Variants in GPC6 observed in about 807,000 individuals in gnomAD.
GPC6 encodes the protein glypican 6, also known as glypican-6.
A neutral mutation model predicts 55.2 loss-of-function variants in GPC6; 14 were observed. That is an observed-to-expected ratio of 0.25 (90% CI 0.17 to 0.40). The LOEUF (loss-of-function observed/expected upper bound fraction) is 0.40, where lower values mean the gene tolerates loss of function less well. Among genes scored for constraint, GPC6 ranks in the 10% least tolerant of loss-of-function variants. The pLI is 1.00. For missense variants in GPC6, 641 were observed against 708.5 expected, an observed-to-expected ratio of 0.90 and a Z score of 1.08; for synonymous variants, 278 against 259.6, an observed-to-expected ratio of 1.07 and a Z score of -0.68.
intron 1 of GPC6, among the ~76,000 whole-genome samples, chr13:93,533,326 A>G (rs1252320489): frequency 6.6e-6 from 1 of 152,198 alleles, no homozygotes; most frequent in Non-Finnish European, 1.5e-5. Context: ...CTCTAGCTAA[A>G]TTCTAAAGTA....
At chr13:94,007,797 A>G (rs1211825267) in intron 3 of GPC6, among the ~76,000 whole-genome samples, 2 of 152,118 alleles carry the variant, frequency 1.3e-5, no homozygotes, top group Non-Finnish European at 2.9e-5. Context: ...AATGTTGCCA[A>G]TAACTTATGT....
intron 1 of GPC6, among the ~76,000 whole-genome samples, chr13:93,240,058 C>T (rs1876376611): frequency 6.6e-6 from 1 of 151,948 alleles, no homozygotes. Flanking sequence ...ATTGTATGGT[C>T]TATCTTGGAA....
intron 1 of GPC6, among the ~76,000 whole-genome samples, chr13:93,304,218 G>C (rs1566288974): frequency 6.6e-6 from 1 of 152,122 alleles, no homozygotes; most frequent in Non-Finnish European, 1.5e-5. Context: ...TAGTGCAAGG[G>C]GAGGTGTTTG....
chr13:93,447,879 C>T (rs1878066733), intron 1 of GPC6, among the ~76,000 whole-genome samples: 1 of 152,116 alleles, frequency 6.6e-6, no homozygotes. Flanking sequence ...AGTCTGATAG[C>T]CTGAGCATTA....
chr13:93,635,066 A>G (rs894462752), intron 2 of GPC6, among the ~76,000 whole-genome samples: 1 of 152,022 alleles, frequency 6.6e-6, no homozygotes, highest in Non-Finnish European at 1.5e-5. Flanking sequence ...ACAAACACCT[A>G]TCTTTGTATA....
intron 2 of GPC6, among the ~76,000 whole-genome samples, chr13:93,598,704 T>C (rs1489043088): frequency 1.3e-5 from 2 of 152,178 alleles, no homozygotes. Flanking sequence ...AGAGCTAAAC[T>C]AAGTCTCATG....
At chr13:93,635,534 C>T (rs1879655108) in intron 2 of GPC6, among the ~76,000 whole-genome samples, 1 of 152,054 alleles carries the variant, frequency 6.6e-6, no homozygotes, top group Non-Finnish European at 1.5e-5. Flanking sequence ...TGGATCCATA[C>T]CCAGAACAAA....
At chr13:93,334,577 C>A (rs1181865258) in intron 1 of GPC6, among the ~76,000 whole-genome samples, 1 of 152,112 alleles carries the variant, frequency 6.6e-6, no homozygotes, top group African/African-American at 2.4e-5. Context: ...ATTCCCCTGC[C>A]TCACTCAGCC....
intron 3 of GPC6, among the ~76,000 whole-genome samples, chr13:94,026,261 A>G (rs2046737544): frequency 6.6e-6 from 1 of 152,198 alleles, no homozygotes; most frequent in South Asian, 2.1e-4. Flanking sequence ...AAAGGCTTGC[A>G]TTAAGAATCT....
intron 4 of GPC6, among the ~76,000 whole-genome samples, chr13:94,143,745 C>T (rs1186261213): frequency 6.6e-6 from 1 of 152,042 alleles, no homozygotes; most frequent in East Asian, 1.9e-4. Context: ...AAAAATTAGC[C>T]AGGCGTGCAC....
intron 1 of GPC6, among the ~76,000 whole-genome samples, chr13:93,233,155 A>G (rs994311123): frequency 3.9e-5 from 6 of 152,104 alleles, no homozygotes; most frequent in Admixed American, 2.0e-4. Context: ...TCAATTTTCA[A>G]TGATATATAT....
intron 4 of GPC6, among the ~76,000 whole-genome samples, chr13:94,126,930 G>A (rs1886839353): frequency 6.6e-6 from 1 of 151,484 alleles, no homozygotes; most frequent in Non-Finnish European, 1.5e-5. Flanking sequence ...AAATGTTTTT[G>A]GTATATAGAT....
At chr13:94,034,187 G>GAA (rs1883243756) in intron 4 of GPC6, among the ~76,000 whole-genome samples, 1 of 133,266 alleles carries the variant, frequency 7.5e-6, no homozygotes, top group Non-Finnish European at 1.6e-5. Flanking sequence ...TACTTGCTGA[G>GAA]AGAAAGAAAG....
chr13:94,032,632 G>C (rs1307116257), intron 4 of GPC6, among the ~76,000 whole-genome samples: 1 of 152,150 alleles, frequency 6.6e-6, no homozygotes, highest in Non-Finnish European at 1.5e-5. Context: ...TGAGATTTGT[G>C]TTATTTTTCA....
At chr13:93,874,901 A>G (rs1889243872) in intron 3 of GPC6, among the ~76,000 whole-genome samples, 1 of 151,918 alleles carries the variant, frequency 6.6e-6, no homozygotes, top group Non-Finnish European at 1.5e-5. Flanking sequence ...ATCATCACAT[A>G]TAATTTTGTG....
At chr13:93,798,800 T>A (rs982362388) in intron 2 of GPC6, among the ~76,000 whole-genome samples, 1 of 151,150 alleles carries the variant, frequency 6.6e-6, no homozygotes, top group Non-Finnish European at 1.5e-5. Context: ...GTGCCTGTAA[T>A]CCCAGGTACT....
At chr13:94,245,740 G>C (rs1891177906) in intron 4 of GPC6, among the ~76,000 whole-genome samples, 1 of 151,862 alleles carries the variant, frequency 6.6e-6, no homozygotes, top group African/African-American at 2.4e-5. Flanking sequence ...GTGTGTGTCT[G>C]TGTGTGTGTG....
intron 4 of GPC6, among the ~76,000 whole-genome samples, chr13:94,210,666 T>C (rs1890049848): frequency 6.6e-6 from 1 of 152,196 alleles, no homozygotes; most frequent in Non-Finnish European, 1.5e-5. Context: ...CCACCAATAG[T>C]ACAAAGCTAA....
chr13:93,639,176 T>A (rs1263799029), intron 2 of GPC6, among the ~76,000 whole-genome samples: 2 of 151,956 alleles, frequency 1.3e-5, no homozygotes, highest in African/African-American at 4.8e-5. Flanking sequence ...GCAAGGGTAA[T>A]ATTTAAAAAT....
Sources: gnomAD v4.1 joint callset for allele counts (sites outside exome capture counted in the v4.1 genomes callset) on GRCh38, gnomAD v4.1.1 for gene constraint, MANE v1.5 for transcripts, NCBI Gene and HGNC (gene_info 2026-07-23, HGNC 2026-07-21) for gene names.